The following ADAMTS19 variants were observed in gnomAD, a reference collection of about 807,000 sequenced individuals.
ADAMTS19 encodes A disintegrin and metalloproteinase with thrombospondin motifs 19.
In ADAMTS19, 93 loss-of-function variants were observed where a neutral mutation model predicts 153.3. The ratio of observed to expected loss-of-function variants is 0.61; its 90% CI spans 0.51 to 0.72. The LOEUF is 0.72. Ranked by LOEUF, ADAMTS19 falls within the 30% of genes least tolerant of loss-of-function variation. The pLI, the probability that ADAMTS19 is intolerant of heterozygous loss-of-function variation, is 0.00. For missense variants in ADAMTS19, 1,482 were observed against 1,552.1 expected (o/e 0.95, Z 0.76); for synonymous variants, 600 against 556.6 (o/e 1.08, Z -1.10).
chr5:129,515,561 G>T (rs1488059546), intron 3 of ADAMTS19, among the ~76,000 whole-genome samples: 1 of 151,742 alleles, frequency 6.6e-6, no homozygotes, highest in Non-Finnish European at 1.5e-5. Flanking sequence ...ATTGTAAATG[G>T]GGTTATATTT....
At chr5:129,681,589 C>T (rs935181580) in intron 17 of ADAMTS19, among the ~76,000 whole-genome samples, 10 of 152,090 alleles carry the variant, frequency 6.6e-5, no homozygotes, top group African/African-American at 2.4e-4. Context: ...AATCAATGTG[C>T]TCAGTGTTGT....
intron 7 of ADAMTS19, among the ~76,000 whole-genome samples, chr5:129,581,556 C>T (rs540466762): frequency 6.6e-6 from 1 of 151,032 alleles, no homozygotes; most frequent in African/African-American, 2.4e-5. Context: ...AAAAAAGCTC[C>T]TGGATTCATT....
At chr5:129,490,918 G>A (rs1053869840) in intron 2 of ADAMTS19, among the ~76,000 whole-genome samples, 4 of 151,752 alleles carry the variant, frequency 2.6e-5, no homozygotes, top group Admixed American at 6.6e-5. Flanking sequence ...GTTCTCTTTC[G>A]CATTTGTGCA....
intron 8 of ADAMTS19, among the ~76,000 whole-genome samples, chr5:129,613,150 T>C (rs1751317893): frequency 6.6e-6 from 1 of 152,082 alleles, no homozygotes; most frequent in South Asian, 2.1e-4. Context: ...TTAACAAGGA[T>C]ATCCAGGAAT....
intron 2 of ADAMTS19, among the ~76,000 whole-genome samples, chr5:129,462,454 G>T (rs988766313): frequency 4.6e-5 from 7 of 152,108 alleles, no homozygotes; most frequent in African/African-American, 1.4e-4. Context: ...ACTTTTTGGA[G>T]GAAAGGAGCA....
chr5:129,565,713 T>C (rs943291401), intron 7 of ADAMTS19, among the ~76,000 whole-genome samples: 1 of 152,150 alleles, frequency 6.6e-6, no homozygotes, highest in Non-Finnish European at 1.5e-5. Flanking sequence ...GCCAACATTT[T>C]ATCTTTTTCT....
chr5:129,683,457 C>A lies in ADAMTS19; in HGVS notation c.2665-663C>A, dbSNP rs565514541. Among the ~76,000 whole-genome samples, 4 of 152,046 alleles carry A rather than the reference C, an allele frequency of 2.6e-5. No individual in the cohort carries two copies. In the East Asian group the frequency reaches 5.8e-4, roughly 22 times the overall value. On this transcript the variant is annotated intron_variant, in intron 17 of 22. Coordinates refer to ENST00000274487, the MANE Select transcript of ADAMTS19 (RefSeq NM_133638.6). ...TGTACAATTATTAATATTAAAAGTT[C>A]ATGTAACATAAATTTAACTTCAAAG...
chr5:129,634,129 G>T (rs1242885807), intron 10 of ADAMTS19, among the ~76,000 whole-genome samples: 1 of 152,132 alleles, frequency 6.6e-6, no homozygotes, highest in Non-Finnish European at 1.5e-5. Context: ...CTAACCTTGT[G>T]CCAGTGTTTT....
At chr5:129,526,589 A>T (rs1752016971) in intron 4 of ADAMTS19, 133 bp downstream of exon 4, 1 of 799,466 alleles carries the variant, frequency 1.3e-6, no homozygotes, top group Non-Finnish European at 1.8e-6. Context: ...CAGTAAAAAA[A>T]TACTTAGGTA....
rs548780670 is a variant in ADAMTS19 at position 129,563,212 on chromosome 5, AT to A, written c.1372+11316del. Among the ~76,000 whole-genome samples the A allele has an allele frequency of 4.2e-3, 614 of 145,664 alleles. 9 individuals carry two copies. Among genetic ancestry groups the A allele is most frequent in the Admixed American group, 0.026 (371 of 14,514 alleles). ...AATTTTTATTAAACAGCAATTTGGCATTTTTTTTTTTGCATTATAGCACCTC... is the reference window on the plus strand; with the variant it reads ...AATTTTTATTAAACAGCAATTTGGCATTTTTTTTTTGCATTATAGCACCTC... On this transcript the variant is annotated intron_variant, in intron 7 of 22. Transcript: ENST00000274487.
In ADAMTS19 at chr5:129,526,411, T is replaced by C; in HGVS notation, c.1041T>C (p.His347=). ...VVADPAMVSY[H]GADAARRFIL... The stretch of plus-strand genomic sequence containing the variant: ...CAGACCCAGCAATGGTTTCCTATCA[T>C]GGAGCAGATGCAGCCAGGAGATTCA... The change falls in exon 4 of 23, where the codon CAT becomes CAC. Residue 347 remains histidine, a synonymous_variant. Coordinates refer to ENST00000274487, the MANE Select transcript of ADAMTS19 (RefSeq NM_133638.6). The C allele has an allele frequency of 6.2e-7, 1 of 1,604,484 alleles. No individual in the cohort carries two copies. Among genetic ancestry groups the C allele is most frequent in the Non-Finnish European group, 8.5e-7 (1 of 1,175,976 alleles).
chr5:129,698,707 A>G (rs1030098966), intron 19 of ADAMTS19, among the ~76,000 whole-genome samples: 1 of 152,218 alleles, frequency 6.6e-6, no homozygotes, highest in African/African-American at 2.4e-5. Flanking sequence ...TTCTCTTTTC[A>G]GTATGGAGAA....
intron 2 of ADAMTS19, chr5:129,500,528 T>C (rs983512482): frequency 6.6e-6 from 1 of 152,146 alleles, no homozygotes; most frequent in African/African-American, 2.4e-5. Context: ...AGGTAGTCAC[T>C]TGCAACGCCT....
At chr5:129,708,575 A>G (rs1194640842) in intron 21 of ADAMTS19, among the ~76,000 whole-genome samples, 3 of 130,810 alleles carry the variant, frequency 2.3e-5, no homozygotes, top group East Asian at 2.4e-4. Flanking sequence ...TCATTACTGG[A>G]GACCAGCAGA....
chr5:129,641,804 C>A, intron 10 of ADAMTS19, 55 bp from the exon 11 acceptor site: 1 of 1,149,764 alleles, frequency 8.7e-7, no homozygotes, highest in Non-Finnish European at 1.3e-6. Context: ...TGATTGGCTT[C>A]ACTTAAAAAA....
At position 129,669,926 on chromosome 5, in the gene ADAMTS19, A is replaced by G. The variant is rs148644777; in HGVS notation, c.2506+4347A>G. 5.7e-4 allele frequency among the ~76,000 whole-genome samples: 87 copies of G among 152,136 alleles called. 1 individual carries two copies. Among genetic ancestry groups the G allele is most frequent in the African/African-American group, 2.0e-3 (81 of 41,524 alleles). On this transcript the variant is annotated intron_variant, in intron 16 of 22. Coordinates refer to ENST00000274487, the MANE Select transcript of ADAMTS19 (RefSeq NM_133638.6). ...AACCTCATCCCTTTGTGGTCAGAGA[A>G]GATATTTTGTATGATATTTACCTTT...
At position 129,541,879 on chromosome 5, in the gene ADAMTS19, G is replaced by A. The variant is rs563881719; in HGVS notation, c.1329-9985G>A. 2.3e-4 allele frequency among the ~76,000 whole-genome samples: 35 copies of A among 152,212 alleles called. 1 individual carries two copies. The highest frequency in any genetic ancestry group is 1.7e-3 in the South Asian group (8 of 4,812). Reference sequence around the variant, plus strand: ...CAGTATACAACTTCTACCACCAGGCGTGATGTTCTCATAAATATTTGATTT... The same window carrying A: ...CAGTATACAACTTCTACCACCAGGCATGATGTTCTCATAAATATTTGATTT... On this transcript the variant is annotated intron_variant, in intron 6 of 22. Coordinates refer to ENST00000274487, the MANE Select transcript of ADAMTS19 (RefSeq NM_133638.6).
At chr5:129,705,878 C>G (rs1042811764) in intron 21 of ADAMTS19, among the ~76,000 whole-genome samples, 1 of 152,106 alleles carries the variant, frequency 6.6e-6, no homozygotes, top group Non-Finnish European at 1.5e-5. Flanking sequence ...TGAATTAATG[C>G]CTTTGTGTCT....
intron 7 of ADAMTS19, among the ~76,000 whole-genome samples, chr5:129,574,282 T>C (rs910615708): frequency 3.3e-5 from 5 of 152,218 alleles, no homozygotes; most frequent in Middle Eastern, 3.4e-3. Context: ...AACTTTTTTT[T>C]CGGCATTTTT....
Sources: gnomAD v4.1 joint callset for allele counts (sites outside exome capture counted in the v4.1 genomes callset) on GRCh38, gnomAD v4.1.1 for gene constraint, MANE v1.5 for transcripts, NCBI Gene and HGNC (gene_info 2026-07-23, HGNC 2026-07-21) for gene names.